The following GMDS variants were observed in gnomAD, a reference collection of about 807,000 sequenced individuals.
The protein encoded by GMDS is GDP-mannose 4,6 dehydratase.
Under a neutral mutation model 49.9 loss-of-function variants are expected in GMDS, and 20 were observed. That is an observed-to-expected ratio of 0.40 (90% CI 0.28 to 0.58). The LOEUF is 0.58. GMDS is among the 20% of genes least tolerant of loss of function. GMDS has a pLI of 0.42. For missense variants in GMDS, 362 were observed against 481.4 expected (o/e 0.75, Z 2.32); for synonymous variants, 177 against 178.6 (o/e 0.99, Z 0.07).
At chr6:1,818,608 CAAA>C (rs564065617) in intron 7 of GMDS, among the ~76,000 whole-genome samples, 2 of 49,278 alleles carry the variant, frequency 4.1e-5, no homozygotes, top group Admixed American at 2.1e-4. Context: ...GACTTCATCT[CAAA>C]AAAAAAAAAA....
chr6:1,941,070 A>T (rs57051298), intron 6 of GMDS, among the ~76,000 whole-genome samples: 1 of 17,722 alleles, frequency 5.6e-5, no homozygotes, highest in East Asian at 6.2e-3. Context: ...TCCCCAAAAT[A>T]AAAAAAAAAA....
At chr6:1,695,653 A>G (rs886480457) in intron 9 of GMDS, among the ~76,000 whole-genome samples, 1 of 152,232 alleles carries the variant, frequency 6.6e-6, no homozygotes, top group African/African-American at 2.4e-5. Flanking sequence ...AGCTCTTGGC[A>G]GAATCCTTAA....
At chr6:2,124,878 A>G (rs1015607940) in intron 1 of GMDS, 147 bp from the exon 2 acceptor site, 1 of 649,548 alleles carries the variant, frequency 1.5e-6, no homozygotes. Context: ...CAATAATGTC[A>G]ATAAATACCA....
chr6:2,028,829 C>T (rs1768775400), intron 4 of GMDS, among the ~76,000 whole-genome samples: 1 of 152,136 alleles, frequency 6.6e-6, no homozygotes, highest in African/African-American at 2.4e-5. Flanking sequence ...ATAATAGAGG[C>T]TAGTAAATAC....
intron 7 of GMDS, among the ~76,000 whole-genome samples, chr6:1,792,681 C>A (rs1370871028): frequency 2.6e-5 from 4 of 152,068 alleles, no homozygotes; most frequent in African/African-American, 9.7e-5. Flanking sequence ...TCTGTAATAC[C>A]TTGACTTGGT....
chr6:1,949,102 C>G (rs932963611), intron 6 of GMDS: 1 of 803,700 alleles, frequency 1.2e-6, no homozygotes, highest in African/African-American at 1.9e-5. Flanking sequence ...TAGCTTTCAG[C>G]ATTGAAAATA....
In GMDS at chr6:1,668,655, T is replaced by G. The variant is rs1764308781; in HGVS notation, c.988-44115A>C. ...CTGGGAGTCGGAGTTTGCAGTAAGC[T>G]GAGACCGCACTACTGCACTCCAGAC... On this transcript the variant is annotated intron_variant, in intron 9 of 10. Transcript: ENST00000380815. Among the ~76,000 whole-genome samples, 2 of 152,026 alleles carry G rather than the reference T, an allele frequency of 1.3e-5. 1 individual carries two copies. The highest frequency in any genetic ancestry group is 4.1e-4 in the South Asian group (2 of 4,822).
chr6:1,631,527 C>T (rs537419350), intron 9 of GMDS, among the ~76,000 whole-genome samples: 3 of 152,254 alleles, frequency 2.0e-5, no homozygotes, highest in Non-Finnish European at 4.4e-5. Flanking sequence ...CTGCTTCGGA[C>T]ATGAGTACTA....
intron 9 of GMDS, among the ~76,000 whole-genome samples, chr6:1,710,280 A>G (rs1765898247): frequency 6.6e-6 from 1 of 152,248 alleles, no homozygotes. Context: ...TATATTCCTG[A>G]GAAGCTTAAC....
intron 4 of GMDS, among the ~76,000 whole-genome samples, chr6:1,988,710 T>C (rs1765725143): frequency 6.6e-6 from 1 of 152,184 alleles, no homozygotes. Context: ...TTAAAAACAA[T>C]ATTTAAAAAC....
At chr6:1,848,689 A>T (rs1414472993) in intron 7 of GMDS, among the ~76,000 whole-genome samples, 1 of 152,208 alleles carries the variant, frequency 6.6e-6, no homozygotes, top group Admixed American at 6.5e-5. Context: ...GAACGTCCAG[A>T]GGGCAGGACT....
chr6:2,082,824 A>G (rs1772792692), intron 4 of GMDS, among the ~76,000 whole-genome samples: 1 of 152,222 alleles, frequency 6.6e-6, no homozygotes, highest in South Asian at 2.1e-4. Flanking sequence ...CATTTAAACA[A>G]AAGCCTTCAA....
chr6:2,055,698 C>T (rs11242736), intron 4 of GMDS, among the ~76,000 whole-genome samples: 5,586 of 152,128 alleles, frequency 0.037, 138 homozygotes, highest in South Asian at 0.073. Context: ...ACTAACTCTG[C>T]GGATTAGGCA....
At chr6:2,070,760 G>A (rs764105034) in intron 4 of GMDS, among the ~76,000 whole-genome samples, 26 of 152,046 alleles carry the variant, frequency 1.7e-4, no homozygotes, top group Non-Finnish European at 2.6e-4. Context: ...AAGAACCCAC[G>A]CTTACCTGCA....
intron 1 of GMDS, among the ~76,000 whole-genome samples, chr6:2,184,937 G>A (rs935674461): frequency 1.3e-5 from 2 of 152,088 alleles, no homozygotes; most frequent in Non-Finnish European, 2.9e-5. Context: ...CTCTAGAGTC[G>A]CTATTCATTT....
Position 2,115,885 on chromosome 6 carries a change from A to G in GMDS, c.236-5T>C. 2 of 1,509,006 alleles carry G rather than the reference A, an allele frequency of 1.3e-6. No homozygotes were observed. The highest frequency in any genetic ancestry group is 2.3e-5 in the East Asian group (1 of 44,390). The allele number at this position is 1,509,006 out of a possible 1,614,324, so 93.5% of individuals were successfully genotyped here. The stretch of plus-strand genomic sequence containing the variant: ...CGCCATAGTGCAACTTCATGTCTTC[A>G]GGATACAAAAACATCCCATTAGATA... On this transcript the variant is annotated splice_region_variant and splice_polypyrimidine_tract_variant and intron_variant, in intron 3 of 10. Transcript: ENST00000380815.
chr6:2,006,674 T>C (rs1388430496), intron 4 of GMDS, among the ~76,000 whole-genome samples: 1 of 152,208 alleles, frequency 6.6e-6, no homozygotes, highest in African/African-American at 2.4e-5. Flanking sequence ...CATTTTCCTG[T>C]GTCTCCCTCT....
chr6:2,018,506 T>A (rs1768045399), intron 4 of GMDS, among the ~76,000 whole-genome samples: 1 of 152,174 alleles, frequency 6.6e-6, no homozygotes, highest in South Asian at 2.1e-4. Flanking sequence ...TTGTTCCCAA[T>A]CCCTCAACCC....
intron 7 of GMDS, among the ~76,000 whole-genome samples, chr6:1,839,464 T>C (rs1757062286): frequency 6.6e-6 from 1 of 152,152 alleles, no homozygotes; most frequent in Non-Finnish European, 1.5e-5. Context: ...TGGTGAAATA[T>C]ACCCTGGATT....
Sources: allele counts gnomAD v4.1 joint callset (sites outside exome capture counted in the v4.1 genomes callset), GRCh38; gene constraint gnomAD v4.1.1; transcripts MANE v1.5; gene names NCBI Gene and HGNC (gene_info 2026-07-23, HGNC 2026-07-21).